Variants in NRXN1 observed in about 807,000 individuals in gnomAD.
NRXN1 encodes the protein neurexin-1.
Under a neutral mutation model 150.9 loss-of-function variants are expected in NRXN1, and 39 were observed. The ratio of observed to expected loss-of-function variants is 0.26; its 90% confidence interval spans 0.20 to 0.34. The LOEUF is 0.34. Among genes scored for constraint, NRXN1 ranks in the 10% least tolerant of loss-of-function variants. The pLI is 1.00. For synonymous variants in NRXN1, 924 were observed against 757.0 expected (o/e 1.22, Z -3.62); for missense variants, 1,815 against 1,949.9 (o/e 0.93, Z 1.30).
chr2:50,817,491 T>C (rs1174643171), intron 5 of NRXN1, among the ~76,000 whole-genome samples: 5 of 152,024 alleles, frequency 3.3e-5, no homozygotes, highest in Admixed American at 3.3e-4. Flanking sequence ...AACATTTCCA[T>C]ACTTATTTTA....
At chr2:50,313,916 G>GTAAATATA (rs2075378829) in intron 17 of NRXN1, among the ~76,000 whole-genome samples, 1 of 152,056 alleles carries the variant, frequency 6.6e-6, no homozygotes, top group South Asian at 2.1e-4. Flanking sequence ...GAGCTCTGCT[G>GTAAATATA]TAAATATATT....
intron 2 of NRXN1, among the ~76,000 whole-genome samples, chr2:51,024,688 A>G (rs1157233274): frequency 6.6e-6 from 1 of 152,132 alleles, no homozygotes; most frequent in Non-Finnish European, 1.5e-5. Context: ...TAATATTTTT[A>G]TTATCTTATT....
chr2:50,558,835 G>A (rs571797272), intron 8 of NRXN1, among the ~76,000 whole-genome samples: 1 of 152,096 alleles, frequency 6.6e-6, no homozygotes, highest in Non-Finnish European at 1.5e-5. Context: ...CGAGGAGGGC[G>A]GATCATGGAG....
At chr2:50,394,317 C>A (rs1426793682) in intron 17 of NRXN1, among the ~76,000 whole-genome samples, 1 of 152,070 alleles carries the variant, frequency 6.6e-6, no homozygotes, top group African/African-American at 2.4e-5. Context: ...ATATCAAAAC[C>A]AAAGTCTAAA....
At chr2:50,901,707 A>G (rs1411181759) in intron 5 of NRXN1, among the ~76,000 whole-genome samples, 1 of 152,192 alleles carries the variant, frequency 6.6e-6, no homozygotes, top group East Asian at 1.9e-4. Context: ...ATCACGTGAC[A>G]CTAAGAAAAA....
At chr2:50,271,677 T>G (rs1300139045) in intron 17 of NRXN1, among the ~76,000 whole-genome samples, 1 of 152,142 alleles carries the variant, frequency 6.6e-6, no homozygotes, top group African/African-American at 2.4e-5. Context: ...TTTTAACAAC[T>G]GAGAAACCTA....
chr2:50,140,602 T>G (rs374202192), intron 18 of NRXN1, among the ~76,000 whole-genome samples: 3 of 151,968 alleles, frequency 2.0e-5, no homozygotes, highest in African/African-American at 7.2e-5. Flanking sequence ...AACTATTCAC[T>G]TCCATTCGAT....
intron 21 of NRXN1, among the ~76,000 whole-genome samples, chr2:49,972,274 G>A (rs1373460616): frequency 2.0e-5 from 3 of 152,152 alleles, no homozygotes; most frequent in Non-Finnish European, 4.4e-5. Flanking sequence ...GGGCTTGATG[G>A]AGGCTGCTGA....
chr2:50,280,831 G>A (rs2071333130), intron 17 of NRXN1, among the ~76,000 whole-genome samples: 2 of 151,980 alleles, frequency 1.3e-5, no homozygotes, highest in Non-Finnish European at 2.9e-5. Context: ...ATGAAAGGGA[G>A]GTTTTCCTGT....
chr2:50,329,798 C>T (rs1470798080), intron 17 of NRXN1, among the ~76,000 whole-genome samples: 5 of 149,574 alleles, frequency 3.3e-5, no homozygotes, highest in African/African-American at 7.4e-5. Flanking sequence ...CTCAGTCTCC[C>T]GAGTAGCTAG....
chr2:50,256,200 T>G (rs1383418406), intron 17 of NRXN1, among the ~76,000 whole-genome samples: 1 of 152,172 alleles, frequency 6.6e-6, no homozygotes, highest in Non-Finnish European at 1.5e-5. Context: ...TTGCAAGAAT[T>G]AAAACATAAC....
intron 2 of NRXN1, 105 bp downstream of exon 2, chr2:51,027,397 C>CCA: frequency 5.0e-6 from 6 of 1,207,932 alleles, no homozygotes; most frequent in Non-Finnish European, 6.5e-6. Flanking sequence ...AAGCGAACTG[C>CCA]CACACGTTTG....
At chr2:50,839,802 T>C (rs1305082003) in intron 5 of NRXN1, among the ~76,000 whole-genome samples, 1 of 152,042 alleles carries the variant, frequency 6.6e-6, no homozygotes, top group Non-Finnish European at 1.5e-5. Flanking sequence ...AATTAGACGG[T>C]ATATTGGAAA....
chr2:50,514,528 A>C (rs988830442), intron 12 of NRXN1, among the ~76,000 whole-genome samples: 2 of 152,232 alleles, frequency 1.3e-5, no homozygotes, highest in Non-Finnish European at 2.9e-5. Flanking sequence ...AAAGGAACTT[A>C]CATTCTAATA....
At chr2:50,274,336 A>C (rs930397411) in intron 17 of NRXN1, among the ~76,000 whole-genome samples, 1 of 152,092 alleles carries the variant, frequency 6.6e-6, no homozygotes, top group Non-Finnish European at 1.5e-5. Flanking sequence ...CTTAAGTGGG[A>C]TTGAACAATG....
At chr2:50,162,066 C>T (rs2059396705) in intron 18 of NRXN1, among the ~76,000 whole-genome samples, 1 of 152,084 alleles carries the variant, frequency 6.6e-6, no homozygotes, top group African/African-American at 2.4e-5. Flanking sequence ...AGTAATTAGC[C>T]TGTGTTAAAG....
chr2:50,199,001 A>G (rs1285421051), intron 18 of NRXN1: 1 of 152,218 alleles, frequency 6.6e-6, no homozygotes, highest in Admixed American at 6.6e-5. Context: ...GCATTATCAG[A>G]ACAAAAAGCC....
At chr2:50,479,765 T>G (rs2090304262) in intron 15 of NRXN1, among the ~76,000 whole-genome samples, 1 of 123,830 alleles carries the variant, frequency 8.1e-6, no homozygotes, top group Admixed American at 9.2e-5. Context: ...CCATTTCTTT[T>G]TCTTTTTTTT....
chr2:50,147,185 T>C (rs2058391277), intron 18 of NRXN1, among the ~76,000 whole-genome samples: 1 of 151,728 alleles, frequency 6.6e-6, no homozygotes. Flanking sequence ...CAAATTTCTA[T>C]TTGTTACTAT....
Sources: allele counts gnomAD v4.1 joint callset (sites outside exome capture counted in the v4.1 genomes callset), GRCh38; gene constraint gnomAD v4.1.1; transcripts MANE v1.5; gene names NCBI Gene and HGNC (gene_info 2026-07-23, HGNC 2026-07-21).